The following PARK7 variants were observed in gnomAD, a reference collection of about 807,000 sequenced individuals.
PARK7 encodes Parkinsonism associated deglycase.
Under a neutral mutation model 20.5 loss-of-function variants are expected in PARK7, and 14 were observed. The observed-to-expected ratio is 0.68, with a 90% CI of 0.45 to 1.07. The LOEUF (loss-of-function observed/expected upper bound fraction) is 1.07, where lower values mean the gene tolerates loss of function less well. Ranked by LOEUF, PARK7 falls within the 50% of genes least tolerant of loss-of-function variation. The pLI is 0.00. For missense variants in PARK7, 234 were observed against 238.1 expected (o/e 0.98, Z 0.11); for synonymous variants, 98 against 84.3 (o/e 1.16, Z -0.89).
chr1:7,970,078 C>G (rs1412552226), intron 4 of PARK7, among the ~76,000 whole-genome samples: 1 of 151,896 alleles, frequency 6.6e-6, no homozygotes, highest in African/African-American at 2.4e-5. Flanking sequence ...ACTTGTAGTC[C>G]CAGCTACTCG....
At chr1:7,966,351 C>T (rs567872170) in intron 3 of PARK7, among the ~76,000 whole-genome samples, 1 of 151,812 alleles carries the variant, frequency 6.6e-6, no homozygotes, top group Non-Finnish European at 1.5e-5. Flanking sequence ...GAAAATTAGA[C>T]TGTTGGTATT....
At chr1:7,976,627 T>A (rs953516958) in intron 5 of PARK7, among the ~76,000 whole-genome samples, 1 of 152,234 alleles carries the variant, frequency 6.6e-6, no homozygotes, top group Non-Finnish European at 1.5e-5. Context: ...GGCTATCTCC[T>A]TCAAGGACAG....
intron 3 of PARK7, among the ~76,000 whole-genome samples, chr1:7,968,731 G>C (rs931429146): frequency 6.6e-6 from 1 of 152,064 alleles, no homozygotes; most frequent in African/African-American, 2.4e-5. Context: ...TGGCCAGGCT[G>C]GTCTCGAACT....
Position 7,966,311 on chromosome 1 carries a change from T to C in PARK7, c.192+886T>C, listed in dbSNP as rs1238882318. 2.0e-5 allele frequency among the ~76,000 whole-genome samples: 3 copies of C among 152,004 alleles called. No individual in the cohort carries two copies. The East Asian group carries it at 5.8e-4, about 29-fold the overall frequency. On this transcript the variant is annotated intron_variant, in intron 3 of 6. Coordinates refer to ENST00000338639, the MANE Select transcript of PARK7 (RefSeq NM_007262.5). ...TAGGAAAAAGTTTAATCCTTTCTAA[T>C]AAGTTTAGATTTTTCATTACTGGAT...
rs536376104 is a variant in PARK7, at chr1:7,963,016, C to T, written c.90+141C>T. The T allele has an allele frequency of 5.2e-5, 38 of 733,000 alleles. No homozygotes were observed. In the Middle Eastern group the frequency reaches 1.7e-3, roughly 32 times the overall value. The allele number at this position is 733,000 out of a possible 1,614,324, so 45.4% of individuals were successfully genotyped here. On this transcript the variant is annotated intron_variant, in intron 2 of 6. Coordinates refer to ENST00000338639, the MANE Select transcript of PARK7 (RefSeq NM_007262.5). The stretch of plus-strand genomic sequence containing the variant: ...TCAGAGATGACATAAGAATAAATAC[C>T]TGTTGATCCACTGCTCACATTTAAC...
intron 6 of PARK7, among the ~76,000 whole-genome samples, chr1:7,979,441 A>G (rs957486299): frequency 6.6e-6 from 1 of 152,138 alleles, no homozygotes; most frequent in Non-Finnish European, 1.5e-5. Flanking sequence ...GCTGTTGTAC[A>G]TTCTACATAC....
intron 5 of PARK7, among the ~76,000 whole-genome samples, chr1:7,977,377 C>T (rs969818904): frequency 3.9e-5 from 6 of 152,350 alleles, no homozygotes; most frequent in South Asian, 2.1e-4. Flanking sequence ...ATCTCTCATA[C>T]TAGGAAGTGT....
At chr1:7,968,874 A>G (rs1183295146) in intron 3 of PARK7, among the ~76,000 whole-genome samples, 6 of 152,144 alleles carry the variant, frequency 3.9e-5, no homozygotes, top group Non-Finnish European at 7.4e-5. Flanking sequence ...CAATAATTCA[A>G]ACAATATAGA....
In PARK7 at chr1:7,984,724, A is replaced by G. The variant is rs1343310242; in HGVS notation, c.410-170A>G. On this transcript the variant is annotated intron_variant, in intron 6 of 6. Coordinates refer to ENST00000338639, the MANE Select transcript of PARK7 (RefSeq NM_007262.5). This position sits in a 1 kb window ranked among gnomAD's most constrained non-coding sequence, Gnocchi z 4.3. ...ACCCTTTGCTCTGCACAGTTTTAAA[A>G]ATACCTTTGTAGGGGGCTTCTAAGA... 8 of 752,012 alleles carry G rather than the reference A, an allele frequency of 1.1e-5. No homozygotes were observed. Among genetic ancestry groups the G allele is most frequent in the Admixed American group, 2.3e-5 (1 of 43,884 alleles). The allele number at this position is 752,012 out of a possible 1,614,324, so 46.6% of individuals were successfully genotyped here.
intron 6 of PARK7, among the ~76,000 whole-genome samples, chr1:7,981,965 CTTTTTTTTTT>C (rs71567337): frequency 4.7e-4 from 40 of 84,376 alleles, no homozygotes; most frequent in Middle Eastern, 5.6e-3. Flanking sequence ...GCCCCCCCGC[CTTTTTTTTTT>C]TTTTTTTTTT....
In PARK7 at chr1:7,965,354, A is replaced by G; in HGVS notation, c.121A>G (p.Lys41Glu). 1 of 1,614,190 alleles carries G rather than the reference A, an allele frequency of 6.2e-7. No homozygotes were observed. Among genetic ancestry groups the G allele is most frequent in the Non-Finnish European group, 8.5e-7 (1 of 1,180,042 alleles). Reference protein sequence around the residue: ...IKVTVAGLAGKDPVQCSRDVV... With the variant: ...IKVTVAGLAGEDPVQCSRDVV... The stretch of plus-strand genomic sequence containing the variant: ...GGTCACCGTTGCAGGCCTGGCTGGA[A>G]AAGACCCAGTACAGTGTAGCCGTGA... Residue 41 changes from lysine (K) to glutamate (E), a missense_variant, in exon 3 of 7, where the codon AAA (lysine) becomes GAA (glutamate). Coordinates refer to ENST00000338639, the MANE Select transcript of PARK7 (RefSeq NM_007262.5).
rs1456528956 is a variant in PARK7 at position 7,985,207 on chromosome 1, G to A, written c.*153G>A. On this transcript the variant is annotated 3_prime_UTR_variant, in exon 7 of 7. Coordinates refer to ENST00000338639, the MANE Select transcript of PARK7 (RefSeq NM_007262.5). The stretch of plus-strand genomic sequence containing the variant: ...AGTATGGAAGTCACAACTACACAGA[G>A]ATTTCTCAGCCTACAAATTGTGTCT... 5 of 1,014,006 alleles carry A rather than the reference G, an allele frequency of 4.9e-6. No individual in the cohort carries two copies. The highest frequency in any genetic ancestry group is 4.1e-5 in the Admixed American group (2 of 48,856). The allele number at this position is 1,014,006 out of a possible 1,614,324, so 62.8% of individuals were successfully genotyped here. A position where few individuals can be genotyped will look rare whatever the true frequency, so the allele number is the denominator to read the frequency against.
rs768740918 is a variant in PARK7, at chr1:7,984,814, A to G, written c.410-80A>G. 3 of 1,536,350 alleles carry G rather than the reference A, an allele frequency of 2.0e-6. No homozygotes were observed. The South Asian group carries it at 3.4e-5, about 17-fold the overall frequency. On this transcript the variant is annotated intron_variant, in intron 6 of 6. Transcript: ENST00000338639. This position sits in a 1 kb window ranked among gnomAD's most constrained non-coding sequence, Gnocchi z 4.3. ...CAGTGTTGGGTTTATATGCTGTAAT[A>G]GTGAATTTAATTGGTAAGTAATCGT...
chr1:7,980,615 C>T (rs762514277), intron 6 of PARK7, among the ~76,000 whole-genome samples: 6 of 152,174 alleles, frequency 3.9e-5, no homozygotes, highest in Non-Finnish European at 7.4e-5. Flanking sequence ...CCTGCCCCTC[C>T]CCTGCTCTGT....
At chr1:7,981,816 G>A (rs1260847659) in intron 6 of PARK7, among the ~76,000 whole-genome samples, 4 of 151,828 alleles carry the variant, frequency 2.6e-5, no homozygotes, top group South Asian at 2.1e-4. Flanking sequence ...CCGCCACCAC[G>A]CCTGGCTTAT....
chr1:7,984,006 G>A lies in PARK7; in HGVS notation c.410-888G>A, dbSNP rs771627847. On this transcript the variant is annotated intron_variant, in intron 6 of 6. Coordinates refer to ENST00000338639, the MANE Select transcript of PARK7 (RefSeq NM_007262.5). This position sits in a 1 kb window ranked among gnomAD's most constrained non-coding sequence, Gnocchi z 4.3. ...GCAGTAAATAGAATGCGGTGATAGA[G>A]TCAATAGAGGTACCTAATTTGGGGA... 3.2e-4 allele frequency among the ~76,000 whole-genome samples: 48 copies of A among 152,320 alleles called. No homozygotes were observed. Among genetic ancestry groups the A allele is most frequent in the Admixed American group, 2.7e-3 (41 of 15,302 alleles).
intron 3 of PARK7, among the ~76,000 whole-genome samples, chr1:7,967,669 A>G (rs1204218542): frequency 6.6e-6 from 1 of 152,208 alleles, no homozygotes; most frequent in Non-Finnish European, 1.5e-5. Flanking sequence ...CTGAAATCCT[A>G]GCACTTTGTG....
intron 5 of PARK7, among the ~76,000 whole-genome samples, chr1:7,973,787 C>A (rs1640513049): frequency 6.7e-6 from 1 of 148,942 alleles, no homozygotes; most frequent in Admixed American, 6.7e-5. Context: ...GCATGCCTGT[C>A]GTCCTAGCTA....
At chr1:7,966,985 A>G (rs1033121454) in intron 3 of PARK7, among the ~76,000 whole-genome samples, 1 of 152,200 alleles carries the variant, frequency 6.6e-6, no homozygotes, top group Non-Finnish European at 1.5e-5. Context: ...TAGTCATTCT[A>G]CGGGGGTATA....
Sources: allele counts gnomAD v4.1 joint callset (sites outside exome capture counted in the v4.1 genomes callset), GRCh38; gene constraint gnomAD v4.1.1; non-coding constraint Gnocchi (gnomAD v3.1); transcripts MANE v1.5; gene names NCBI Gene and HGNC (gene_info 2026-07-23, HGNC 2026-07-21).